Variants in STS observed in about 807,000 individuals in gnomAD.
The protein encoded by STS is steryl-sulfatase.
A neutral mutation model predicts 26.8 loss-of-function variants in STS; 7 were observed. The observed-to-expected ratio is 0.26, with a 90% CI of 0.15 to 0.49. The LOEUF (loss-of-function observed/expected upper bound fraction) is 0.49. Among genes scored for constraint, STS ranks in the 20% least tolerant of loss-of-function variants. STS has a pLI of 0.98. For missense variants in STS, 434 were observed against 465.6 expected (o/e 0.93, Z 0.63); for synonymous variants, 199 against 189.4 (o/e 1.05, Z -0.42).
At chrX:7,161,122 AT>A (rs62693360) in intron 1 of STS, among the ~76,000 whole-genome samples, 4,120 of 97,671 alleles carry the variant, frequency 0.042, 202 homozygotes, top group African/African-American at 0.14. Flanking sequence ...TGCCTGGCTA[AT>A]TTTTTTTTTT....
At chrX:7,157,186 C>A (rs1933152623) in intron 1 of STS, among the ~76,000 whole-genome samples, 1 of 111,864 alleles carries the variant, frequency 8.9e-6, no homozygotes, top group East Asian at 2.8e-4. Flanking sequence ...ATCCCACTTG[C>A]CCAATTTGCA....
At chrX:7,187,941 T>TGA (rs1451238546) in intron 1 of STS, among the ~76,000 whole-genome samples, 1 of 111,555 alleles carries the variant, frequency 9.0e-6, no homozygotes, top group African/African-American at 3.3e-5. Flanking sequence ...ATGGCAGTTG[T>TGA]GAGGATTATA....
In STS at chrX:7,215,040, T is replaced by C. The variant is rs981869114; in HGVS notation, c.-5+24032T>C. 1.4e-4 allele frequency among the ~76,000 whole-genome samples: 12 copies of C among 85,957 alleles called. No homozygotes were observed. The South Asian group carries it at 4.6e-3, about 33-fold the overall frequency. The allele number at this position is 85,957 out of a possible 115,157, so 74.6% of individuals were successfully genotyped here. A position where few individuals can be genotyped will look rare whatever the true frequency, so the allele number is the denominator to read the frequency against. On this transcript the variant is annotated intron_variant, in intron 2 of 10. Coordinates refer to ENST00000674429, the MANE Select transcript of STS (RefSeq NM_001320752.2). Reference sequence around the variant, plus strand: ...TATATATATTATATATGTATATATATACATATATATACGTATATATGTATA... The same window carrying C: ...TATATATATTATATATGTATATATACACATATATATACGTATATATGTATA...
intron 7 of STS, among the ~76,000 whole-genome samples, chrX:7,277,052 G>A (rs1381268741): frequency 1.8e-5 from 2 of 111,313 alleles, no homozygotes; most frequent in African/African-American, 3.3e-5. Context: ...GAATGAGGTA[G>A]GGAAGGCCTT....
chrX:7,148,798 C>T (rs1932945499), intron 1 of STS, among the ~76,000 whole-genome samples: 1 of 112,474 alleles, frequency 8.9e-6, no homozygotes, highest in African/African-American at 3.2e-5. Flanking sequence ...TGTCCCAGAG[C>T]AAAGCCAAGC....
chrX:7,332,172 A>G (rs1450624837), intron 9 of STS, among the ~76,000 whole-genome samples: 1 of 109,934 alleles, frequency 9.1e-6, no homozygotes, highest in East Asian at 2.9e-4. Flanking sequence ...CCAAAAAAAA[A>G]AAATGAAAAA....
intron 9 of STS, among the ~76,000 whole-genome samples, chrX:7,332,291 A>G (rs1319715835): frequency 9.2e-6 from 1 of 108,908 alleles, no homozygotes; most frequent in Non-Finnish European, 1.9e-5. Flanking sequence ...TGGTCGCGCC[A>G]CCACACTCCA....
chrX:7,182,094 A>G (rs754641720), intron 1 of STS, among the ~76,000 whole-genome samples: 1 of 111,359 alleles, frequency 9.0e-6, no homozygotes, highest in Non-Finnish European at 1.9e-5. Context: ...AAACAAAAAA[A>G]CCTCAAAACA....
At chrX:7,328,654 G>A (rs770176576) in intron 9 of STS, among the ~76,000 whole-genome samples, 7 of 106,515 alleles carry the variant, frequency 6.6e-5, no homozygotes, top group African/African-American at 1.0e-4. Flanking sequence ...CCACCTCCCA[G>A]GCTCAAGCGA....
chrX:7,274,115 G>T (rs1924415924), intron 6 of STS, among the ~76,000 whole-genome samples: 1 of 89,322 alleles, frequency 1.1e-5, no homozygotes, highest in Non-Finnish European at 2.4e-5. Context: ...TGGGGTAGAA[G>T]CTGGGCTGTG....
In STS at chrX:7,325,489, C is replaced by T; in HGVS notation, c.1232C>T (p.Pro411Leu). 1 of 1,211,112 alleles carries T rather than the reference C, an allele frequency of 8.3e-7. No homozygotes were observed. Among genetic ancestry groups the T allele is most frequent in the Non-Finnish European group, 1.1e-6 (1 of 895,279 alleles). ...TVAKLAGAPL[P>L]EDRIIDGRDL... ...GCCAAGCTGGCTGGAGCTCCCTTGC[C>T]TGAGGACAGGTACTCTGATGCCAGG... Residue 411 changes from proline to leucine, a missense_variant, in exon 9 of 11, where the codon CCT (proline) becomes CTT (leucine). Pro to Leu is a moderately conservative substitution (Grantham distance 98). Transcript: ENST00000674429.
intron 2 of STS, among the ~76,000 whole-genome samples, chrX:7,206,028 C>G (rs760362628): frequency 2.7e-5 from 3 of 111,533 alleles, no homozygotes; most frequent in East Asian, 2.8e-4. Flanking sequence ...CACTGCACCC[C>G]CTATGCACTT....
intron 2 of STS, among the ~76,000 whole-genome samples, chrX:7,251,690 T>A (rs2147079591): frequency 8.9e-6 from 1 of 111,782 alleles, no homozygotes; most frequent in Non-Finnish European, 1.9e-5. Flanking sequence ...ATAAAATTGG[T>A]CCTCACCATC....
At chrX:7,323,415 C>T (rs1443582350) in intron 8 of STS, among the ~76,000 whole-genome samples, 2 of 110,676 alleles carry the variant, frequency 1.8e-5, no homozygotes, top group East Asian at 2.8e-4. Flanking sequence ...CTACTGTTGC[C>T]AACTTTATGT....
intron 1 of STS, among the ~76,000 whole-genome samples, chrX:7,162,364 CTTA>C (rs1444930415): frequency 9.0e-6 from 1 of 111,129 alleles, no homozygotes; most frequent in Admixed American, 9.6e-5. Flanking sequence ...TAATTAAATG[CTTA>C]TTATGAGAAG....
chrX:7,167,098 C>G (rs1261929715), intron 1 of STS, among the ~76,000 whole-genome samples: 1 of 111,888 alleles, frequency 8.9e-6, no homozygotes, highest in African/African-American at 3.3e-5. Flanking sequence ...GCAGGGTTCT[C>G]TGCTCAGAGT....
chrX:7,172,827 C>G (rs1463941294), intron 1 of STS, among the ~76,000 whole-genome samples: 1 of 112,000 alleles, frequency 8.9e-6, no homozygotes, highest in Non-Finnish European at 1.9e-5. Flanking sequence ...GAGGCTTGAT[C>G]TGTTGGTGAT....
At chrX:7,170,117 G>C (rs1025327961) in intron 1 of STS, among the ~76,000 whole-genome samples, 8 of 111,807 alleles carry the variant, frequency 7.2e-5, no homozygotes, top group African/African-American at 2.6e-4. Context: ...ATAGGGTCTT[G>C]TTGTAGAATA....
chrX:7,299,230 TTA>T (rs1201348913), intron 7 of STS, among the ~76,000 whole-genome samples: 2 of 94,515 alleles, frequency 2.1e-5, no homozygotes, highest in African/African-American at 4.0e-5. Context: ...TTTTATATAA[TTA>T]TATATAATTA....
Sources: gnomAD v4.1 joint callset for allele counts (sites outside exome capture counted in the v4.1 genomes callset) on GRCh38, gnomAD v4.1.1 for gene constraint, MANE v1.5 for transcripts, NCBI Gene and HGNC (gene_info 2026-07-23, HGNC 2026-07-21) for gene names.